Variants in TRPM7 observed in about 807,000 individuals in gnomAD.
TRPM7 encodes the protein transient receptor potential cation channel subfamily M member 7, also known as LTRPC ion channel family member 7.
TRPM7 carries 134 observed loss-of-function variants against 229.7 expected under a neutral mutation model. The ratio of observed to expected loss-of-function variants is 0.58; its 90% confidence interval spans 0.51 to 0.67. The LOEUF (loss-of-function observed/expected upper bound fraction) is 0.67, where lower values mean the gene tolerates loss of function less well. Ranked by LOEUF, TRPM7 falls within the 30% of genes least tolerant of loss-of-function variation. The pLI, the probability that TRPM7 is intolerant of heterozygous loss-of-function variation, is 0.00. For synonymous variants in TRPM7, 699 were observed against 715.2 expected (o/e 0.98, Z 0.36); for missense variants, 1,901 against 2,210.0 (o/e 0.86, Z 2.80).
At chr15:50,603,241 T>C (rs1332032132) in intron 21 of TRPM7, among the ~76,000 whole-genome samples, 3 of 152,266 alleles carry the variant, frequency 2.0e-5, no homozygotes, top group South Asian at 4.1e-4. Flanking sequence ...CCTAAAAATC[T>C]TGTTTTCAAG....
Position 50,561,780 on chromosome 15 carries a change from A to T in TRPM7, c.5496T>A (p.Asp1832Glu). The change falls in exon 39 of 39, where the codon GAT becomes GAA. Residue 1832 changes from aspartate (D) to glutamate (E), a missense_variant. By Grantham distance (45) the Asp-to-Glu change is conservative. Around this residue, in one of 8 missense-constraint regions of TRPM7, gnomAD observed 257 missense variants for 352.0 expected, o/e 0.73. Transcript: ENST00000646667. Reference sequence around the variant, plus strand: ...GCTCATCCTGAGGAAATATAATTTTATCAGGCGTATAATCATTCCTCTTCA... The same window carrying T: ...GCTCATCCTGAGGAAATATAATTTTTTCAGGCGTATAATCATTCCTCTTCA... ...PDLKRNDYTPDKIIFPQDEPS... is the reference protein window; with the variant it reads ...PDLKRNDYTPEKIIFPQDEPS... The T allele has an allele frequency of 6.2e-7, 1 of 1,612,642 alleles. No homozygotes were observed. The highest frequency in any genetic ancestry group is 8.5e-7 in the Non-Finnish European group (1 of 1,179,490).
In TRPM7 at chr15:50,569,877, A is replaced by C. The variant is rs770368588; in HGVS notation, c.5467+10T>G. ...AATTTATATACTATACTGATTAAGA[A>C]ATTTTTTACCTGGAAGTTTAAGCTT... On this transcript the variant is annotated intron_variant, in intron 38 of 38. Coordinates refer to ENST00000646667, the MANE Select transcript of TRPM7 (RefSeq NM_017672.6). 1.3e-6 allele frequency: 2 copies of C among 1,588,508 alleles called. No individual in the cohort carries two copies. The highest frequency in any genetic ancestry group is 1.7e-6 in the Non-Finnish European group (2 of 1,165,492).
intron 33 of TRPM7, 130 bp from the exon 34 acceptor site, chr15:50,575,265 A>C (rs953563492): frequency 4.4e-6 from 3 of 679,020 alleles, no homozygotes; most frequent in Non-Finnish European, 6.9e-6. Flanking sequence ...AGTTTTATAC[A>C]AAGAAATTTA....
At chr15:50,646,720 T>G (rs1423691807) in intron 4 of TRPM7, among the ~76,000 whole-genome samples, 1 of 152,224 alleles carries the variant, frequency 6.6e-6, no homozygotes, top group Non-Finnish European at 1.5e-5. Context: ...CCTGCATTGT[T>G]GAAAAAGTGG....
At chr15:50,607,128 C>T in intron 20 of TRPM7, 72 bp downstream of exon 20, 1 of 1,450,292 alleles carries the variant, frequency 6.9e-7, no homozygotes, top group Admixed American at 2.0e-5. Flanking sequence ...ACGTATACAC[C>T]CAAAACAAAA....
rs1232323156 is a variant in TRPM7 at position 50,589,750 on chromosome 15, A to G, written c.4325-94T>C. ...TAAAGTTTATAAAAACAATAGGTTTATGCTGTTTTTCAAGTACACTTGATG... is the reference window on the plus strand; with the variant it reads ...TAAAGTTTATAAAAACAATAGGTTTGTGCTGTTTTTCAAGTACACTTGATG... On this transcript the variant is annotated intron_variant, in intron 26 of 38. Transcript: ENST00000646667. 10 of 788,730 alleles carry G rather than the reference A, an allele frequency of 1.3e-5. No individual in the cohort carries two copies. In the Admixed American group the frequency reaches 1.6e-4, roughly 13 times the overall value. 48.9% of individuals were successfully genotyped at this position (788,730 alleles called of 1,614,324 possible). A position where few individuals can be genotyped will look rare whatever the true frequency, so the allele number is the denominator to read the frequency against.
intron 3 of TRPM7, among the ~76,000 whole-genome samples, chr15:50,656,368 G>A (rs573832059): frequency 2.0e-5 from 3 of 152,112 alleles, no homozygotes; most frequent in African/African-American, 7.2e-5. Context: ...GGTGTGATCA[G>A]GGCTTATTGC....
chr15:50,671,495 T>C (rs1460629915), intron 1 of TRPM7, among the ~76,000 whole-genome samples: 3 of 152,156 alleles, frequency 2.0e-5, no homozygotes, highest in Non-Finnish European at 4.4e-5. Context: ...CATAAGATTA[T>C]AATGGACCTG....
chr15:50,589,623 T>C lies in TRPM7; in HGVS notation c.4358A>G (p.Lys1453Arg), dbSNP rs760046562. The change falls in exon 27 of 39, where the codon AAA (lysine) becomes AGA (arginine). Residue 1453 changes from lysine (K) to arginine (R), a missense_variant. By Grantham distance (26) the Lys-to-Arg change is conservative. Coordinates refer to ENST00000646667, the MANE Select transcript of TRPM7 (RefSeq NM_017672.6). Reference protein sequence around the residue: ...HRDSMDLQRFKETSNKIKILS... With the variant: ...HRDSMDLQRFRETSNKIKILS... Reference sequence around the variant, plus strand: ...TATTTTTATCTTGTTTGATGTTTCTTTAAACCTCTGTAAATCCATGCTATC... The same window carrying C: ...TATTTTTATCTTGTTTGATGTTTCTCTAAACCTCTGTAAATCCATGCTATC... 1.3e-6 allele frequency: 2 copies of C among 1,594,150 alleles called. No individual in the cohort carries two copies. Among genetic ancestry groups the C allele is most frequent in the Admixed American group, 3.4e-5 (2 of 58,474 alleles).
intron 21 of TRPM7, among the ~76,000 whole-genome samples, chr15:50,603,063 T>C (rs1191136058): frequency 6.6e-6 from 1 of 152,134 alleles, no homozygotes; most frequent in Non-Finnish European, 1.5e-5. Flanking sequence ...AACTGCCCTA[T>C]TTTTCCTTGA....
At chr15:50,682,141 G>C (rs144819695) in intron 1 of TRPM7, among the ~76,000 whole-genome samples, 4 of 115,266 alleles carry the variant, frequency 3.5e-5, no homozygotes, top group African/African-American at 6.6e-5. Flanking sequence ...TCGCGCCACC[G>C]CAAGCCTGGG....
chr15:50,561,868 TA>T, intron 38 of TRPM7, 60 bp from the exon 39 acceptor site: 1 of 1,436,854 alleles, frequency 7.0e-7, no homozygotes, highest in South Asian at 1.4e-5. Context: ...AAAAAGTTAG[TA>T]TTTCTTAGAA....
intron 1 of TRPM7, among the ~76,000 whole-genome samples, chr15:50,682,365 G>A (rs752959278): frequency 2.0e-5 from 3 of 151,554 alleles, no homozygotes; most frequent in Non-Finnish European, 2.9e-5. Flanking sequence ...AGAGCATGAG[G>A]TCAAGAGATC....
chr15:50,581,145 A>C, intron 29 of TRPM7, among the ~76,000 whole-genome samples: 1 of 152,190 alleles, frequency 6.6e-6, no homozygotes, highest in South Asian at 2.1e-4. Context: ...TTCCCACAAC[A>C]TTGTCTTTCT....
At chr15:50,599,415 A>C (rs1042842732) in intron 21 of TRPM7, 119 bp from the exon 22 acceptor site, 7 of 638,232 alleles carry the variant, frequency 1.1e-5, no homozygotes, top group Non-Finnish European at 1.8e-5. Flanking sequence ...AAAATCTTTG[A>C]GATTCTTTTT....
At chr15:50,649,013 A>T in intron 3 of TRPM7, 128 bp from the exon 4 acceptor site, 1 of 601,120 alleles carries the variant, frequency 1.7e-6, no homozygotes. Context: ...GTATAAAAAT[A>T]AGCTTTTTGA....
At chr15:50,599,348 A>C (rs1410651156) in intron 21 of TRPM7, 52 bp from the exon 22 acceptor site, 1 of 1,336,510 alleles carries the variant, frequency 7.5e-7, no homozygotes, top group East Asian at 2.4e-5. Context: ...ACACTATGAC[A>C]AATCTTTCTA....
At chr15:50,574,598 C>A in intron 35 of TRPM7, 39 bp downstream of exon 35, 1 of 1,573,988 alleles carries the variant, frequency 6.4e-7, no homozygotes, top group African/African-American at 1.4e-5. Flanking sequence ...GACTGCTATC[C>A]ATATAATAAA....
At chr15:50,623,481 TGCCCCGCCCCCTCCCC>T (rs1251665712) in intron 12 of TRPM7, among the ~76,000 whole-genome samples, 6 of 111,860 alleles carry the variant, frequency 5.4e-5, no homozygotes, top group African/African-American at 1.4e-4. Context: ...ATCTTATTGC[TGCCCCGCCCCCTCCCC>T]GCCCCGCCCT....
Sources: gnomAD v4.1 joint callset for allele counts (sites outside exome capture counted in the v4.1 genomes callset) on GRCh38, gnomAD v4.1.1 for gene constraint, gnomAD v4.1.1 regional missense constraint, MANE v1.5 for transcripts, NCBI Gene and HGNC (gene_info 2026-07-23, HGNC 2026-07-21) for gene names.